Variants in DUSP13B observed in about 807,000 individuals in gnomAD.
DUSP13B encodes dual specificity protein phosphatase 13B.
chr10:75,095,775 C>T, the DUSP13B span: 2 of 1,614,198 alleles, frequency 1.2e-6, no homozygotes, highest in Admixed American at 3.3e-5. Flanking sequence ...GATCAGCTTG[C>T]TCTTGTCCCG....
At chr10:75,102,401 C>G in the DUSP13B span, among the ~76,000 whole-genome samples, 1 of 151,952 alleles carries the variant, frequency 6.6e-6, no homozygotes, top group Non-Finnish European at 1.5e-5. Context: ...CGAGATCGCG[C>G]CACTGCACTC....
chr10:75,105,625 G>C, the DUSP13B span: 1 of 1,536,370 alleles, frequency 6.5e-7, no homozygotes, highest in African/African-American at 1.4e-5. Flanking sequence ...GCCTCTTCCG[G>C]CCAACCACAT....
At chr10:75,098,954 A>T in the DUSP13B span, 1 of 1,230,554 alleles carries the variant, frequency 8.1e-7, no homozygotes, top group Non-Finnish European at 1.0e-6. Context: ...GTGGTCACTA[A>T]CCCATCTGCT....
At chr10:75,095,082 C>T in the DUSP13B span, among the ~76,000 whole-genome samples, 37 of 152,182 alleles carry the variant, frequency 2.4e-4, no homozygotes, top group Non-Finnish European at 3.2e-4. Flanking sequence ...GGTTAGCAGC[C>T]GGGATTTCCT....
the DUSP13B span, among the ~76,000 whole-genome samples, chr10:75,106,505 A>T: frequency 2.0e-5 from 3 of 152,112 alleles, no homozygotes; most frequent in African/African-American, 7.2e-5. Context: ...CGCTCAAAGT[A>T]TTGCTTGAAT....
the DUSP13B span, chr10:75,105,690 C>T: frequency 6.5e-7 from 1 of 1,550,036 alleles, no homozygotes; most frequent in South Asian, 1.2e-5. Flanking sequence ...CGGCACCCCG[C>T]AGTTGCTGGT....
At chr10:75,103,823 C>T in the DUSP13B span, 4 of 1,192,836 alleles carry the variant, frequency 3.4e-6, no homozygotes, top group Non-Finnish European at 4.4e-6. Flanking sequence ...CCCCTCCCCA[C>T]TTTCCCAGGG....
chr10:75,094,708 T>G, the DUSP13B span: 1 of 1,614,024 alleles, frequency 6.2e-7, no homozygotes, highest in Non-Finnish European at 8.5e-7. Context: ...CCCAGTCGGT[T>G]GTCCAGAACC....
the DUSP13B span, chr10:75,105,793 T>TGGTGCAGCATGAGGTAGGCCA: frequency 5.2e-6 from 8 of 1,551,010 alleles, no homozygotes. Flanking sequence ...GGACAGCCGC[T>TGGTGCAGCATGAGGTAGGCCA]GGTGCAGCAT....
the DUSP13B span, chr10:75,105,539 C>G: frequency 9.8e-7 from 1 of 1,016,116 alleles, no homozygotes; most frequent in South Asian, 1.6e-5. Flanking sequence ...TTAATCCTCA[C>G]TTCCAGCCAC....
the DUSP13B span, among the ~76,000 whole-genome samples, chr10:75,104,388 C>T: frequency 6.6e-6 from 1 of 152,164 alleles, no homozygotes; most frequent in Admixed American, 6.5e-5. Context: ...CCTGGGGCCT[C>T]CAGTTGCACA....
chr10:75,103,933 C>G, the DUSP13B span: 1 of 1,317,656 alleles, frequency 7.6e-7, no homozygotes, highest in Non-Finnish European at 1.0e-6. Flanking sequence ...GGGGTGTAGG[C>G]GCCAGGAGGA....
the DUSP13B span, chr10:75,109,054 CAAG>C: frequency 6.2e-7 from 1 of 1,612,172 alleles, no homozygotes; most frequent in Non-Finnish European, 8.5e-7. Context: ...CACACGGCTG[CAAG>C]AAGACTTCCC....
the DUSP13B span, among the ~76,000 whole-genome samples, chr10:75,102,171 A>T: frequency 1.3e-5 from 2 of 152,222 alleles, no homozygotes; most frequent in African/African-American, 4.8e-5. Flanking sequence ...TATTGTGTAC[A>T]TGTATGTTGA....
At chr10:75,105,908 C>G in the DUSP13B span, 4 of 1,530,764 alleles carry the variant, frequency 2.6e-6, no homozygotes, top group South Asian at 4.8e-5. Flanking sequence ...GTCCCACACA[C>G]CGGCCCACCC....
the DUSP13B span, chr10:75,097,655 C>G: frequency 6.9e-7 from 1 of 1,451,976 alleles, no homozygotes; most frequent in Non-Finnish European, 9.2e-7. Flanking sequence ...TGCCCCCATT[C>G]CCGTGTGAAC....
the DUSP13B span, chr10:75,099,847 A>G: frequency 6.2e-6 from 1 of 160,188 alleles, no homozygotes; most frequent in South Asian, 2.0e-4. Flanking sequence ...TTATCTTCCC[A>G]TGCTAGGGAT....
the DUSP13B span, among the ~76,000 whole-genome samples, chr10:75,104,612 A>T: frequency 3.3e-5 from 5 of 152,300 alleles, no homozygotes; most frequent in East Asian, 9.7e-4. Context: ...GCAGGCAGGG[A>T]ATCTGCCATT....
chr10:75,108,798 C>G, the DUSP13B span, among the ~76,000 whole-genome samples: 6 of 152,176 alleles, frequency 3.9e-5, no homozygotes, highest in African/African-American at 1.4e-4. Context: ...TCCCTGCTTT[C>G]AGGCAGGCGA....
Sources: gnomAD v4.1 joint callset for allele counts (sites outside exome capture counted in the v4.1 genomes callset) on GRCh38, gnomAD v4.1.1 for gene constraint, MANE v1.5 for transcripts, NCBI Gene and HGNC (gene_info 2026-07-23, HGNC 2026-07-21) for gene names.